The following MCC variants were observed in gnomAD, a reference collection of about 807,000 sequenced individuals.
MCC encodes the protein colorectal mutant cancer protein.
In MCC, 90 loss-of-function variants were observed where a neutral mutation model predicts 116.2. The observed-to-expected ratio is 0.77, with a 90% confidence interval of 0.65 to 0.92. The LOEUF (loss-of-function observed/expected upper bound fraction) is 0.92, where lower values mean the gene tolerates loss of function less well. Ranked by LOEUF, MCC falls within the 40% of genes least tolerant of loss-of-function variation. The pLI is 0.00. For missense variants in MCC, 1,516 were observed against 1,312.2 expected (o/e 1.16, Z -2.40); for synonymous variants, 578 against 510.5 (o/e 1.13, Z -1.78).
intron 8 of MCC, among the ~76,000 whole-genome samples, chr5:113,088,947 C>G (rs1440400065): frequency 6.6e-6 from 1 of 152,112 alleles, no homozygotes; most frequent in East Asian, 1.9e-4. Context: ...CTGCACACGG[C>G]TATTTTTATT....
At chr5:113,033,728 T>C (rs565739520) in intron 17 of MCC, among the ~76,000 whole-genome samples, 39 of 152,314 alleles carry the variant, frequency 2.6e-4, no homozygotes, top group African/African-American at 8.7e-4. Context: ...CTCACAAATA[T>C]ACCCCATAGC....
At chr5:113,442,663 G>A (rs1051769218) in intron 1 of MCC, among the ~76,000 whole-genome samples, 1 of 152,122 alleles carries the variant, frequency 6.6e-6, no homozygotes, top group Non-Finnish European at 1.5e-5. Flanking sequence ...TCCATCTTGA[G>A]TTAATTTTTG....
At chr5:113,460,480 T>C (rs752823019) in intron 1 of MCC, among the ~76,000 whole-genome samples, 35 of 152,188 alleles carry the variant, frequency 2.3e-4, no homozygotes, top group Non-Finnish European at 4.4e-4. Context: ...ACCACACACA[T>C]TGTGAGTCAG....
intron 2 of MCC, among the ~76,000 whole-genome samples, chr5:113,384,235 T>C (rs898579634): frequency 2.6e-5 from 4 of 152,272 alleles, no homozygotes; most frequent in South Asian, 2.1e-4. Context: ...CAGTAAGAAA[T>C]ATAAACTTAT....
intron 1 of MCC, among the ~76,000 whole-genome samples, chr5:113,466,077 T>C: frequency 6.6e-6 from 1 of 151,862 alleles, no homozygotes; most frequent in Non-Finnish European, 1.5e-5. Flanking sequence ...GATGGGACTA[T>C]AGGGAACAGT....
chr5:113,278,816 A>T (rs1217123112), intron 3 of MCC, among the ~76,000 whole-genome samples: 1 of 152,216 alleles, frequency 6.6e-6, no homozygotes, highest in Non-Finnish European at 1.5e-5. Context: ...AAATGCTTTC[A>T]AAGTGCTTAG....
At chr5:113,308,036 G>A (rs10477489) in intron 3 of MCC, among the ~76,000 whole-genome samples, 5,067 of 151,040 alleles carry the variant, frequency 0.034, 293 homozygotes, top group African/African-American at 0.12. Flanking sequence ...GCAGTGGCAC[G>A]ATCATGGCCC....
chr5:113,332,490 G>T (rs1311920001), intron 3 of MCC, among the ~76,000 whole-genome samples: 2 of 148,992 alleles, frequency 1.3e-5, no homozygotes, highest in African/African-American at 2.5e-5. Context: ...TGGGAAGACT[G>T]CTTGAGCCCA....
At chr5:113,320,779 A>G (rs749861653) in intron 3 of MCC, among the ~76,000 whole-genome samples, 4 of 152,232 alleles carry the variant, frequency 2.6e-5, no homozygotes, top group Non-Finnish European at 5.9e-5. Context: ...GAAAACCATG[A>G]TGGGTAAATT....
intron 1 of MCC, among the ~76,000 whole-genome samples, chr5:113,450,496 C>G (rs79406636): frequency 6.6e-6 from 1 of 152,198 alleles, no homozygotes; most frequent in South Asian, 2.1e-4. Flanking sequence ...GAAATGTGTG[C>G]GAACCCCAGG....
chr5:113,403,280 A>T (rs540214552), intron 1 of MCC, among the ~76,000 whole-genome samples: 188 of 152,310 alleles, frequency 1.2e-3, no homozygotes, highest in African/African-American at 4.3e-3. Flanking sequence ...TAAGGAAAGT[A>T]AGTGCACACT....
At position 113,094,256 on chromosome 5, in the gene MCC, G is replaced by A. The variant is rs747702422; in HGVS notation, c.1398+7483C>T. On this transcript the variant is annotated intron_variant, in intron 8 of 18. Transcript: ENST00000408903. ...TGGCAATTTTGACTAGATGGAAACA[G>A]AAGAGAGAGATCACAAAATAGAAGG... 3.7e-4 allele frequency among the ~76,000 whole-genome samples: 56 copies of A among 152,220 alleles called. 1 individual carries two copies. Among genetic ancestry groups the A allele is most frequent in the Non-Finnish European group, 6.5e-4 (44 of 68,002 alleles).
At position 113,173,013 on chromosome 5, in the gene MCC, GGAT is replaced by G. The variant is rs1191153688; in HGVS notation, c.628-21594_628-21592del. Among the ~76,000 whole-genome samples the G allele has an allele frequency of 5.3e-5, 8 of 152,156 alleles. No homozygotes were observed. The East Asian group carries it at 1.2e-3, about 22-fold the overall frequency. On this transcript the variant is annotated intron_variant, in intron 3 of 18. Transcript: ENST00000408903. Reference sequence around the variant, plus strand: ...TTTATGTTCTTTGCCTGTTTTGATAGGATGATTTTTTAGAGTTTGATGTATATA... The same window carrying G: ...TTTATGTTCTTTGCCTGTTTTGATAGGATTTTTTAGAGTTTGATGTATATA...
intron 3 of MCC, among the ~76,000 whole-genome samples, chr5:113,252,187 C>G (rs774732896): frequency 7.2e-5 from 11 of 152,148 alleles, no homozygotes; most frequent in Non-Finnish European, 1.2e-4. Context: ...TCATTCCCAT[C>G]CCATTATCTT....
chr5:113,145,420 C>T (rs1759436539), intron 4 of MCC, among the ~76,000 whole-genome samples: 1 of 152,104 alleles, frequency 6.6e-6, no homozygotes, highest in Non-Finnish European at 1.5e-5. Context: ...GAAACATTTC[C>T]ACTTACACAC....
At chr5:113,393,884 T>C (rs1034075556) in intron 1 of MCC, among the ~76,000 whole-genome samples, 4 of 152,216 alleles carry the variant, frequency 2.6e-5, no homozygotes, top group African/African-American at 4.8e-5. Flanking sequence ...ATTCTTGTCC[T>C]TAAATACATG....
At chr5:113,311,872 C>G (rs1285432677) in intron 3 of MCC, among the ~76,000 whole-genome samples, 1 of 152,134 alleles carries the variant, frequency 6.6e-6, no homozygotes, top group Non-Finnish European at 1.5e-5. Flanking sequence ...CTTTGGGAGG[C>G]TGAGGCGGGC....
At chr5:113,287,361 C>T (rs1053156519) in intron 3 of MCC, among the ~76,000 whole-genome samples, 1 of 152,192 alleles carries the variant, frequency 6.6e-6, no homozygotes, top group Admixed American at 6.5e-5. Flanking sequence ...CAGAGTCTCG[C>T]TCTGTCGCCC....
chr5:113,253,063 TC>T (rs1332814372), intron 3 of MCC, among the ~76,000 whole-genome samples: 1 of 152,238 alleles, frequency 6.6e-6, no homozygotes, highest in East Asian at 1.9e-4. Context: ...CCCCAGGGCT[TC>T]TAGATTAAGA....
Sources: allele counts gnomAD v4.1 joint callset (sites outside exome capture counted in the v4.1 genomes callset), GRCh38; gene constraint gnomAD v4.1.1; transcripts MANE v1.5; gene names NCBI Gene and HGNC (gene_info 2026-07-23, HGNC 2026-07-21).